Variants in SHISA9 observed in about 807,000 individuals in gnomAD.
The protein encoded by SHISA9 is shisa family member 9, also known as protein shisa-9.
A neutral mutation model predicts 38.0 loss-of-function variants in SHISA9; 13 were observed. The observed-to-expected ratio is 0.34, with a 90% CI of 0.22 to 0.54. The LOEUF is 0.54. Among genes scored for constraint, SHISA9 ranks in the 20% least tolerant of loss-of-function variants. The pLI is 0.91. For synonymous variants in SHISA9, 275 were observed against 242.0 expected (o/e 1.14, Z -1.27); for missense variants, 538 against 575.8 (o/e 0.93, Z 0.67).
chr16:13,301,039 G>A, the SHISA9 span, among the ~76,000 whole-genome samples: 8 of 150,490 alleles, frequency 5.3e-5, no homozygotes, highest in Non-Finnish European at 7.4e-5. Flanking sequence ...TCACCAATTC[G>A]TCTTTCCCTT....
intron 2 of SHISA9, among the ~76,000 whole-genome samples, chr16:13,138,209 T>C (rs1038368244): frequency 2.6e-5 from 4 of 152,166 alleles, no homozygotes; most frequent in African/African-American, 9.6e-5. Flanking sequence ...GAGAGCCTGA[T>C]GGAAATGCAA....
At chr16:13,037,250 C>T (rs1020735406) in intron 2 of SHISA9, among the ~76,000 whole-genome samples, 2 of 151,892 alleles carry the variant, frequency 1.3e-5, no homozygotes, top group Admixed American at 6.6e-5. Flanking sequence ...CAGAATTGGT[C>T]GGCAGGCAAG....
chr16:13,560,107 T>C, the SHISA9 span, among the ~76,000 whole-genome samples: 1 of 152,180 alleles, frequency 6.6e-6, no homozygotes, highest in Admixed American at 6.5e-5. Context: ...GGATTGAAAA[T>C]AGCATTGGGG....
the SHISA9 span, among the ~76,000 whole-genome samples, chr16:13,372,401 G>T: frequency 6.6e-6 from 1 of 152,180 alleles, no homozygotes; most frequent in Non-Finnish European, 1.5e-5. Flanking sequence ...GGTAAGTCCA[G>T]GTGATATAGC....
chr16:13,527,783 G>A, the SHISA9 span, among the ~76,000 whole-genome samples: 3 of 152,120 alleles, frequency 2.0e-5, no homozygotes, highest in Admixed American at 2.0e-4. Context: ...GCCTGAGCGG[G>A]TTTCTGTTAC....
chr16:13,399,665 C>T, the SHISA9 span, among the ~76,000 whole-genome samples: 1 of 152,200 alleles, frequency 6.6e-6, no homozygotes, highest in South Asian at 2.1e-4. Flanking sequence ...TGCTTCTTCA[C>T]CGCTGCTTAT....
chr16:13,356,387 A>G, the SHISA9 span, among the ~76,000 whole-genome samples: 52 of 152,352 alleles, frequency 3.4e-4, no homozygotes, highest in Non-Finnish European at 5.9e-4. Context: ...TTGATGAAAA[A>G]GAGCCTAAAC....
At chr16:13,225,267 C>T (rs74014612) in intron 4 of SHISA9, among the ~76,000 whole-genome samples, 5,277 of 152,192 alleles carry the variant, frequency 0.035, 137 homozygotes, top group African/African-American at 0.062. Context: ...GAGCATGGCC[C>T]GGCCAACTTC....
intron 4 of SHISA9, among the ~76,000 whole-genome samples, chr16:13,220,057 CA>C (rs1258466019): frequency 6.6e-6 from 1 of 152,198 alleles, no homozygotes; most frequent in African/African-American, 2.4e-5. Context: ...TTTTATCAGT[CA>C]GCTACTGCCA....
intron 3 of SHISA9, among the ~76,000 whole-genome samples, chr16:13,211,419 C>T (rs1347104639): frequency 6.6e-6 from 1 of 151,924 alleles, no homozygotes; most frequent in African/African-American, 2.4e-5. Context: ...CAGTGACATA[C>T]ACAGTTCATA....
the SHISA9 span, among the ~76,000 whole-genome samples, chr16:13,280,103 TTC>T: frequency 6.8e-6 from 1 of 146,880 alleles, no homozygotes; most frequent in African/African-American, 2.6e-5. Context: ...AATTTGTATC[TTC>T]TCTCTCTTTC....
chr16:12,987,619 A>G (rs1320823620), intron 2 of SHISA9, among the ~76,000 whole-genome samples: 1 of 152,178 alleles, frequency 6.6e-6, no homozygotes, highest in Middle Eastern at 3.2e-3. Flanking sequence ...GGAGAGCATC[A>G]GGATAAATAG....
the SHISA9 span, among the ~76,000 whole-genome samples, chr16:13,403,344 C>A: frequency 6.6e-6 from 1 of 152,170 alleles, no homozygotes; most frequent in African/African-American, 2.4e-5. Context: ...TTAAATAGCT[C>A]TTTTATTCCT....
chr16:13,502,629 C>T, the SHISA9 span, among the ~76,000 whole-genome samples: 349 of 152,184 alleles, frequency 2.3e-3, no homozygotes, highest in Middle Eastern at 0.017. Context: ...AATCCCAACA[C>T]TTTGGGAGGC....
Position 12,902,288 on chromosome 16 carries a change from G to A in SHISA9, c.224G>A (p.Arg75Gln), listed in dbSNP as rs1426449891. The A allele has an allele frequency of 6.5e-7, 1 of 1,549,954 alleles. No homozygotes were observed. Residue 75 changes from arginine to glutamine, a missense_variant, in exon 1 of 5, where the codon CGG becomes CAG. Arg to Gln is a conservative substitution (Grantham distance 43). Around this residue, in one of 4 missense-constraint regions of SHISA9, gnomAD observed 17 missense variants for 57.2 expected, o/e 0.30. Transcript: ENST00000558583. ...PTRAPTPDFC[R>Q]GYFDVMGQWD... is the part of the protein sequence containing the mutation. Reference sequence around the variant, plus strand: ...CGGGCGCCCACGCCGGACTTCTGCCGGGGCTACTTCGATGTCATGGGCCAG... The same window carrying A: ...CGGGCGCCCACGCCGGACTTCTGCCAGGGCTACTTCGATGTCATGGGCCAG...
At chr16:13,493,015 G>T in the SHISA9 span, among the ~76,000 whole-genome samples, 1 of 152,268 alleles carries the variant, frequency 6.6e-6, no homozygotes, top group Admixed American at 6.5e-5. Context: ...GCTGCAAGAG[G>T]ATAGATCTGA....
the SHISA9 span, among the ~76,000 whole-genome samples, chr16:13,322,254 A>G: frequency 6.6e-6 from 1 of 152,368 alleles, no homozygotes; most frequent in South Asian, 2.1e-4. Flanking sequence ...GTGATCTAAT[A>G]GGAAAAAATA....
the SHISA9 span, among the ~76,000 whole-genome samples, chr16:13,472,260 G>C: frequency 6.6e-6 from 1 of 151,524 alleles, no homozygotes; most frequent in African/African-American, 2.4e-5. Flanking sequence ...TTTTGGCTCT[G>C]GCAACTCTTG....
chr16:13,161,035 A>G (rs979274747), intron 2 of SHISA9, among the ~76,000 whole-genome samples: 5 of 152,192 alleles, frequency 3.3e-5, no homozygotes, highest in Non-Finnish European at 7.3e-5. Flanking sequence ...AGCTTTATAA[A>G]TAATTTGCAG....
Sources: gnomAD v4.1 joint callset for allele counts (sites outside exome capture counted in the v4.1 genomes callset) on GRCh38, gnomAD v4.1.1 for gene constraint, gnomAD v4.1.1 regional missense constraint, MANE v1.5 for transcripts, NCBI Gene and HGNC (gene_info 2026-07-23, HGNC 2026-07-21) for gene names.